The following LYRM4 variants were observed in gnomAD, a reference collection of about 807,000 sequenced individuals.
LYRM4 encodes the protein LYR motif-containing protein 4.
In LYRM4, 9 loss-of-function variants were observed where a neutral mutation model predicts 11.7. The observed-to-expected ratio is 0.77, with a 90% confidence interval of 0.46 to 1.34. The LOEUF is 1.34. LYRM4 is among the 40% of genes most tolerant of loss of function. The pLI is 0.00. For synonymous variants in LYRM4, 42 were observed against 40.4 expected (o/e 1.04, Z -0.15); for missense variants, 133 against 112.5 (o/e 1.18, Z -0.82).
At chr6:5,252,328 A>G (rs1764472346) in intron 1 of LYRM4, among the ~76,000 whole-genome samples, 1 of 152,176 alleles carries the variant, frequency 6.6e-6, no homozygotes, top group African/African-American at 2.4e-5. Flanking sequence ...ACCAACTGTG[A>G]GACCAATCAA....
At chr6:5,035,131 A>C in the LYRM4 span, among the ~76,000 whole-genome samples, 1 of 152,020 alleles carries the variant, frequency 6.6e-6, no homozygotes, top group Non-Finnish European at 1.5e-5. Flanking sequence ...AACCCAACCC[A>C]TGCTTTCTCC....
chr6:5,245,116 ATATAT>A (rs1561899016), intron 1 of LYRM4, among the ~76,000 whole-genome samples: 52 of 14,692 alleles, frequency 3.5e-3, no homozygotes, highest in Non-Finnish European at 4.7e-3. Context: ...AAAAAAAAAT[ATATAT>A]ATATATATAT....
chr6:5,109,647 G>A (rs1381169695), intron 2 of LYRM4, among the ~76,000 whole-genome samples, 156 bp from the exon 3 acceptor site: 1 of 152,236 alleles, frequency 6.6e-6, no homozygotes, highest in African/African-American at 2.4e-5. Context: ...CCGGCCACTA[G>A]AGCACCATCC....
At chr6:5,151,914 T>C (rs1433730365) in intron 2 of LYRM4, among the ~76,000 whole-genome samples, 1 of 152,224 alleles carries the variant, frequency 6.6e-6, no homozygotes, top group Non-Finnish European at 1.5e-5. Flanking sequence ...TTTTGCTTTC[T>C]GGGAGAATCC....
At chr6:5,133,623 A>G (rs1764056565) in intron 2 of LYRM4, among the ~76,000 whole-genome samples, 1 of 152,206 alleles carries the variant, frequency 6.6e-6, no homozygotes, top group African/African-American at 2.4e-5. Context: ...AAGTTCACAT[A>G]ACATAAAATC....
At chr6:5,250,024 G>A (rs892860896) in intron 1 of LYRM4, among the ~76,000 whole-genome samples, 1 of 152,122 alleles carries the variant, frequency 6.6e-6, no homozygotes, top group African/African-American at 2.4e-5. Context: ...GCATACAAAA[G>A]AGTATTATCC....
the LYRM4 span, among the ~76,000 whole-genome samples, chr6:5,056,836 A>G: frequency 6.6e-6 from 1 of 152,214 alleles, no homozygotes; most frequent in Non-Finnish European, 1.5e-5. Flanking sequence ...CTGAATATTT[A>G]TAGTTTATCC....
At chr6:5,126,656 G>T (rs1337997699) in intron 2 of LYRM4, among the ~76,000 whole-genome samples, 1 of 151,964 alleles carries the variant, frequency 6.6e-6, no homozygotes, top group Non-Finnish European at 1.5e-5. Flanking sequence ...GCCTCAAAAA[G>T]GAGTGAAGTT....
intron 2 of LYRM4, among the ~76,000 whole-genome samples, chr6:5,169,726 A>T (rs139080428): frequency 6.6e-6 from 1 of 152,314 alleles, no homozygotes; most frequent in East Asian, 1.9e-4. Flanking sequence ...TTACACGCTG[A>T]CTTATTCGCT....
chr6:5,065,776 A>G, the LYRM4 span: 1 of 292,504 alleles, frequency 3.4e-6, no homozygotes, highest in Non-Finnish European at 6.1e-6. Flanking sequence ...CTGCTCCACC[A>G]AAAACGACAG....
At chr6:5,189,680 G>C (rs747223964) in intron 2 of LYRM4, among the ~76,000 whole-genome samples, 6 of 152,178 alleles carry the variant, frequency 3.9e-5, no homozygotes, top group Non-Finnish European at 7.3e-5. Context: ...GACTTTAAGA[G>C]CTTTTAAATT....
intron 2 of LYRM4, among the ~76,000 whole-genome samples, chr6:5,168,386 C>G (rs1017155309): frequency 5.3e-5 from 8 of 152,192 alleles, no homozygotes; most frequent in African/African-American, 1.9e-4. Context: ...TAATGGAACT[C>G]ACAATACGTG....
chr6:5,092,428 A>G, the LYRM4 span, among the ~76,000 whole-genome samples: 14 of 151,676 alleles, frequency 9.2e-5, no homozygotes, highest in Non-Finnish European at 1.5e-5. Flanking sequence ...TTTTTAAAAA[A>G]TGGCCGGGTG....
intron 2 of LYRM4, among the ~76,000 whole-genome samples, chr6:5,120,671 G>A (rs144431386): frequency 6.6e-5 from 10 of 152,054 alleles, no homozygotes; most frequent in African/African-American, 2.2e-4. Context: ...CATTTTACAG[G>A]GTGCTGATTG....
the LYRM4 span, chr6:5,066,802 G>T: frequency 1.3e-6 from 1 of 743,154 alleles, no homozygotes. Context: ...ACCCTCCTTG[G>T]TGAGTTCCTG....
chr6:5,114,407 T>A (rs961873842), intron 2 of LYRM4, among the ~76,000 whole-genome samples: 3 of 152,234 alleles, frequency 2.0e-5, no homozygotes, highest in African/African-American at 7.2e-5. Flanking sequence ...TACACACAGC[T>A]AAACCAATCC....
At chr6:5,129,896 A>C (rs929846730) in intron 2 of LYRM4, among the ~76,000 whole-genome samples, 5 of 152,240 alleles carry the variant, frequency 3.3e-5, no homozygotes, top group Non-Finnish European at 7.3e-5. Flanking sequence ...AGTCAGAGAG[A>C]TTCGTGCTGA....
At chr6:5,234,303 C>T (rs1169162765) in intron 1 of LYRM4, among the ~76,000 whole-genome samples, 1 of 152,180 alleles carries the variant, frequency 6.6e-6, no homozygotes, top group African/African-American at 2.4e-5. Flanking sequence ...AGATGAGCCC[C>T]TCGTGTTCTT....
At chr6:5,099,391 C>CCCTATCTATCTATCTA (rs1554124401), downstream of LYRM4, among the ~76,000 whole-genome samples, 1 of 145,442 alleles carries the variant, frequency 6.9e-6, no homozygotes, top group Non-Finnish European at 1.5e-5. The surrounding 1 kb of genome is among the most constrained non-coding windows in gnomAD (Gnocchi z 4.3). Context: ...AAATCTATTT[C>CCCTATCTATCTATCTA]TCTATCTATC....
Sources: allele counts gnomAD v4.1 joint callset (sites outside exome capture counted in the v4.1 genomes callset), GRCh38; gene constraint gnomAD v4.1.1; non-coding constraint Gnocchi (gnomAD v3.1); transcripts MANE v1.5; gene names NCBI Gene and HGNC (gene_info 2026-07-23, HGNC 2026-07-21).